The following SLIT3 variants were observed in gnomAD, a reference collection of about 807,000 sequenced individuals.
SLIT3 encodes the protein slit guidance ligand 3.
A neutral mutation model predicts 184.0 loss-of-function variants in SLIT3; 68 were observed. The ratio of observed to expected loss-of-function variants is 0.37; its 90% CI spans 0.30 to 0.45. The LOEUF is 0.45. Ranked by LOEUF, SLIT3 falls within the 20% of genes least tolerant of loss-of-function variation. SLIT3 has a pLI of 1.00. For missense variants in SLIT3, 1,707 were observed against 2,026.0 expected, an observed-to-expected ratio of 0.84 and a Z score of 3.02; for synonymous variants, 831 against 828.6, an observed-to-expected ratio of 1.00 and a Z score of -0.05.
chr5:169,098,832 C>T (rs1218744957), intron 4 of SLIT3, among the ~76,000 whole-genome samples: 1 of 152,260 alleles, frequency 6.6e-6, no homozygotes, highest in South Asian at 2.1e-4. Context: ...TTTTCTCTCC[C>T]AAAGGAGCAT....
intron 4 of SLIT3, among the ~76,000 whole-genome samples, chr5:168,911,107 T>TGTAACTCTCCTCTCTCTGCCC (rs1761238036): frequency 1.3e-5 from 2 of 152,194 alleles, no homozygotes; most frequent in Non-Finnish European, 2.9e-5. Context: ...TCTCTCTGCC[T>TGTAACTCTCCTCTCTCTGCCC]GTAACTCTCC....
chr5:168,819,451 G>C (rs1581114791), intron 7 of SLIT3, among the ~76,000 whole-genome samples: 1 of 152,194 alleles, frequency 6.6e-6, no homozygotes, highest in African/African-American at 2.4e-5. Context: ...CCGTTCTTTT[G>C]TGTGCCGGGA....
intron 3 of SLIT3, among the ~76,000 whole-genome samples, chr5:169,194,454 T>C (rs1219054644): frequency 6.6e-6 from 1 of 152,092 alleles, no homozygotes; most frequent in Non-Finnish European, 1.5e-5. Flanking sequence ...GTGAGTTTTG[T>C]GGGTCCTTGG....
intron 4 of SLIT3, among the ~76,000 whole-genome samples, chr5:169,044,587 T>TGGGGGGGGGTGGGGGGAGGG (rs1757560724): frequency 1.4e-5 from 1 of 70,644 alleles, no homozygotes; most frequent in African/African-American, 4.2e-5. Context: ...TGGAGGAAGG[T>TGGGGGGGGGTGGGGGGAGGG]GGGGGGGGGG....
At chr5:169,105,236 C>T (rs913098457) in intron 4 of SLIT3, among the ~76,000 whole-genome samples, 2 of 152,162 alleles carry the variant, frequency 1.3e-5, no homozygotes, top group African/African-American at 4.8e-5. Context: ...GACGGCTTCC[C>T]TCTCCTTCCC....
intron 22 of SLIT3, 89 bp downstream of exon 22, chr5:168,722,844 G>C: frequency 9.9e-7 from 1 of 1,005,298 alleles, no homozygotes; most frequent in South Asian, 1.3e-5. Context: ...TTAGGGCAGA[G>C]AAACTAGTCC....
chr5:169,006,238 C>T (rs1755922151), intron 4 of SLIT3, among the ~76,000 whole-genome samples: 1 of 152,184 alleles, frequency 6.6e-6, no homozygotes. Context: ...TATGGTAAAC[C>T]TTAAAGCATT....
intron 4 of SLIT3, among the ~76,000 whole-genome samples, chr5:168,961,593 C>T (rs952907601): frequency 9.2e-5 from 14 of 152,160 alleles, no homozygotes; most frequent in African/African-American, 3.1e-4. Flanking sequence ...AAGGCAGATG[C>T]TTGATCTGAG....
At chr5:169,217,093 T>C (rs2113523814) in intron 3 of SLIT3, among the ~76,000 whole-genome samples, 1 of 151,204 alleles carries the variant, frequency 6.6e-6, no homozygotes, top group Non-Finnish European at 1.5e-5. Context: ...CTTTCATTTT[T>C]CGGTGACAAC....
At chr5:169,039,773 A>G (rs7700954) in intron 4 of SLIT3, among the ~76,000 whole-genome samples, 29,222 of 152,094 alleles carry the variant, frequency 0.19, 4,329 homozygotes, top group East Asian at 0.42. Flanking sequence ...AACCCCTATC[A>G]AACGACTCCT....
chr5:168,702,678 T>C (rs200897554), intron 26 of SLIT3, among the ~76,000 whole-genome samples: 677 of 19,946 alleles, frequency 0.034, 5 homozygotes, highest in African/African-American at 0.21. Flanking sequence ...ATAATAGCGA[T>C]GATGATGATG....
chr5:169,274,036 C>G (rs983458142), intron 1 of SLIT3, among the ~76,000 whole-genome samples: 1 of 152,220 alleles, frequency 6.6e-6, no homozygotes, highest in Non-Finnish European at 1.5e-5. Flanking sequence ...AGAGCTCAGA[C>G]AGCATCATAA....
intron 4 of SLIT3, among the ~76,000 whole-genome samples, chr5:168,904,091 G>A (rs896535385): frequency 6.6e-6 from 1 of 152,108 alleles, no homozygotes; most frequent in African/African-American, 2.4e-5. Context: ...CTGAAACTGA[G>A]GCCCTGTTGC....
At chr5:169,095,964 GC>G (rs1211600874) in intron 4 of SLIT3, among the ~76,000 whole-genome samples, 2 of 152,082 alleles carry the variant, frequency 1.3e-5, no homozygotes, top group African/African-American at 4.8e-5. Flanking sequence ...TGCAGATAGG[GC>G]TCAAGTCTCT....
chr5:168,970,500 A>T (rs978450090), intron 4 of SLIT3, among the ~76,000 whole-genome samples: 5 of 40,256 alleles, frequency 1.2e-4, no homozygotes, highest in African/African-American at 1.2e-3. Flanking sequence ...TGTCTCAAAT[A>T]AAAAAAAAAA....
At chr5:169,090,397 C>T (rs1759531296) in intron 4 of SLIT3, among the ~76,000 whole-genome samples, 1 of 152,196 alleles carries the variant, frequency 6.6e-6, no homozygotes, top group African/African-American at 2.4e-5. Context: ...CTGGGAACTG[C>T]AGCCTGCAGA....
chr5:169,063,072 A>G (rs991064356), intron 4 of SLIT3, among the ~76,000 whole-genome samples: 6 of 152,232 alleles, frequency 3.9e-5, no homozygotes, highest in Admixed American at 3.9e-4. Context: ...TGGTCTGCCA[A>G]GCTTAACCAC....
At chr5:169,238,077 A>G (rs1017108963) in intron 3 of SLIT3, among the ~76,000 whole-genome samples, 2 of 152,066 alleles carry the variant, frequency 1.3e-5, no homozygotes, top group African/African-American at 2.4e-5. Flanking sequence ...GTGTGTGTCT[A>G]TTTTTTCACA....
chr5:168,669,092 A>C (rs974290769), intron 35 of SLIT3, among the ~76,000 whole-genome samples: 11 of 152,206 alleles, frequency 7.2e-5, no homozygotes, highest in Non-Finnish European at 1.6e-4. Flanking sequence ...CCCTATAAAG[A>C]AGCACAGTAG....
Sources: allele counts gnomAD v4.1 joint callset (sites outside exome capture counted in the v4.1 genomes callset), GRCh38; gene constraint gnomAD v4.1.1; transcripts MANE v1.5; gene names NCBI Gene and HGNC (gene_info 2026-07-23, HGNC 2026-07-21).